The following GARIN5A variants were observed in gnomAD, a reference collection of about 807,000 sequenced individuals.
The protein encoded by GARIN5A is golgi associated RAB2 interactor 5A, also known as Golgi-associated RAB2 interactor protein 5A.
At chr19:50,476,195 C>T in the GARIN5A span, 5 of 1,613,674 alleles carry the variant, frequency 3.1e-6, no homozygotes, top group East Asian at 4.5e-5. Context: ...GCGATCCCGC[C>T]TCATTGCAAT....
the GARIN5A span, among the ~76,000 whole-genome samples, chr19:50,472,174 ATATG>A: frequency 3.0e-4 from 43 of 144,474 alleles, no homozygotes; most frequent in South Asian, 6.3e-4. Flanking sequence ...ATACGTGTGT[ATATG>A]TATGTATACA....
At chr19:50,474,186 T>C in the GARIN5A span, among the ~76,000 whole-genome samples, 1 of 151,850 alleles carries the variant, frequency 6.6e-6, no homozygotes, top group Admixed American at 6.6e-5. Flanking sequence ...TTCTCTCTTT[T>C]TTTTTTTGAG....
At chr19:50,472,200 A>G in the GARIN5A span, among the ~76,000 whole-genome samples, 30 of 149,642 alleles carry the variant, frequency 2.0e-4, no homozygotes, top group East Asian at 5.8e-4. Flanking sequence ...GTATGTGTGC[A>G]TGTATATACA....
the GARIN5A span, among the ~76,000 whole-genome samples, chr19:50,474,894 C>T: frequency 2.0e-5 from 3 of 152,196 alleles, no homozygotes; most frequent in East Asian, 5.8e-4. Flanking sequence ...CTTGGCATTC[C>T]AATCCTGGCC....
chr19:50,473,442 G>A, the GARIN5A span, among the ~76,000 whole-genome samples: 5 of 151,780 alleles, frequency 3.3e-5, no homozygotes, highest in Admixed American at 6.6e-5. Context: ...CTGCAGCCTC[G>A]AACTCCTGGG....
the GARIN5A span, chr19:50,476,736 C>T: frequency 1.1e-6 from 1 of 901,324 alleles, no homozygotes; most frequent in South Asian, 1.8e-5. Flanking sequence ...GAGTTACAGA[C>T]GGAAGGAGGC....
the GARIN5A span, chr19:50,476,418 G>T: frequency 6.5e-7 from 1 of 1,546,212 alleles, no homozygotes; most frequent in Non-Finnish European, 8.7e-7. Context: ...AGGTGCGGAC[G>T]GGTGCCAGTG....
chr19:50,475,764 C>T, the GARIN5A span: 3 of 1,144,018 alleles, frequency 2.6e-6, no homozygotes, highest in Non-Finnish European at 4.0e-6. Context: ...GGAGCAGGGG[C>T]TTTCCAAGTC....
the GARIN5A span, among the ~76,000 whole-genome samples, chr19:50,472,102 A>ATATACACGTGTGTATATGTATG: frequency 7.0e-6 from 1 of 142,952 alleles, no homozygotes; most frequent in African/African-American, 2.8e-5. Flanking sequence ...GTATATGTAT[A>ATATACACGTGTGTATATGTATG]TATACGTGTG....
At chr19:50,476,037 G>A in the GARIN5A span, 4 of 1,604,412 alleles carry the variant, frequency 2.5e-6, no homozygotes, top group Admixed American at 6.7e-5. Context: ...CCGCGGAGAG[G>A]ACGGGGTATC....
chr19:50,474,972 T>C, the GARIN5A span, among the ~76,000 whole-genome samples: 1 of 152,122 alleles, frequency 6.6e-6, no homozygotes, highest in Non-Finnish European at 1.5e-5. Flanking sequence ...TTTAGCTCTT[T>C]GGCGGATGGG....
At chr19:50,471,841 T>C in the GARIN5A span, among the ~76,000 whole-genome samples, 1 of 151,730 alleles carries the variant, frequency 6.6e-6, no homozygotes, top group Admixed American at 6.6e-5. Flanking sequence ...TACATATCTG[T>C]GTGCATACGC....
chr19:50,469,324 G>A, the GARIN5A span, among the ~76,000 whole-genome samples: 1 of 152,192 alleles, frequency 6.6e-6, no homozygotes, highest in Admixed American at 6.5e-5. Flanking sequence ...CATGTTCTCA[G>A]GGATGTCTCC....
chr19:50,475,831 A>G, the GARIN5A span: 7 of 1,608,970 alleles, frequency 4.4e-6, no homozygotes, highest in African/African-American at 1.3e-5. Context: ...GGGGCTCCCT[A>G]CCTGTACGAA....
the GARIN5A span, chr19:50,475,972 G>T: frequency 6.2e-7 from 1 of 1,605,314 alleles, no homozygotes; most frequent in Non-Finnish European, 8.5e-7. Flanking sequence ...GAAGTCTGGG[G>T]GTCGATCCTG....
At chr19:50,467,420 G>A in the GARIN5A span, 11 of 616,976 alleles carry the variant, frequency 1.8e-5, no homozygotes, top group Admixed American at 2.4e-4. Context: ...AGACCCAGGA[G>A]TCCAGGACCC....
chr19:50,472,168 GTGTGTATATGTATGTATACA>G, the GARIN5A span, among the ~76,000 whole-genome samples: 1 of 123,956 alleles, frequency 8.1e-6, no homozygotes, highest in Non-Finnish European at 1.7e-5. Context: ...GTATGTATAC[GTGTGTATATGTATGTATACA>G]TGTATGTGTG....
chr19:50,469,323 AG>A, the GARIN5A span, among the ~76,000 whole-genome samples: 1 of 152,146 alleles, frequency 6.6e-6, no homozygotes, highest in African/African-American at 2.4e-5. Context: ...GCATGTTCTC[AG>A]GGATGTCTCC....
At chr19:50,475,381 C>T in the GARIN5A span, 5 of 1,610,578 alleles carry the variant, frequency 3.1e-6, no homozygotes, top group South Asian at 1.1e-5. Context: ...GCAATAGGTC[C>T]GGGAGCTCCA....
Sources: allele counts gnomAD v4.1 joint callset (sites outside exome capture counted in the v4.1 genomes callset), GRCh38; gene constraint gnomAD v4.1.1; transcripts MANE v1.5; gene names NCBI Gene and HGNC (gene_info 2026-07-23, HGNC 2026-07-21).